The following AGMO variants were observed in gnomAD, a reference collection of about 807,000 sequenced individuals.
The protein encoded by AGMO is alkylglycerol monooxygenase.
Under a neutral mutation model 60.2 loss-of-function variants are expected in AGMO, and 75 were observed. That is an observed-to-expected ratio of 1.25 (90% CI 1.03 to 1.51). The LOEUF is 1.51. Among genes scored for constraint, AGMO ranks in the 40% most tolerant of loss-of-function variants. The pLI is 0.00. For missense variants in AGMO, 763 were observed against 525.5 expected, an observed-to-expected ratio of 1.45 and a Z score of -4.42; for synonymous variants, 261 against 177.1, an observed-to-expected ratio of 1.47 and a Z score of -3.76.
chr7:15,432,019 C>T (rs1583546117), intron 3 of AGMO, among the ~76,000 whole-genome samples: 1 of 151,724 alleles, frequency 6.6e-6, no homozygotes, highest in Non-Finnish European at 1.5e-5. Flanking sequence ...CGAAATGTCA[C>T]ATTATACTCT....
At chr7:15,323,408 C>A (rs1384425759) in intron 12 of AGMO, among the ~76,000 whole-genome samples, 1 of 152,010 alleles carries the variant, frequency 6.6e-6, no homozygotes, top group Non-Finnish European at 1.5e-5. Flanking sequence ...GATCCCATCA[C>A]CTTCCTTTCA....
chr7:15,241,792 G>A (rs1353522363), intron 12 of AGMO, among the ~76,000 whole-genome samples: 1 of 152,136 alleles, frequency 6.6e-6, no homozygotes, highest in Non-Finnish European at 1.5e-5. Context: ...ATGAGTTCCT[G>A]GCTTAAGGTC....
At chr7:15,550,409 T>C (rs1193417154) in intron 2 of AGMO, among the ~76,000 whole-genome samples, 1 of 152,076 alleles carries the variant, frequency 6.6e-6, no homozygotes, top group Non-Finnish European at 1.5e-5. Context: ...ACAAAATTGA[T>C]AGACCGCTAG....
At chr7:15,339,770 T>TGTTC (rs1198577642) in intron 12 of AGMO, among the ~76,000 whole-genome samples, 1 of 152,224 alleles carries the variant, frequency 6.6e-6, no homozygotes, top group Non-Finnish European at 1.5e-5. Context: ...AAAGTTCCTG[T>TGTTC]GTTCAGCTAC....
intron 12 of AGMO, among the ~76,000 whole-genome samples, chr7:15,364,541 C>G (rs1360391683): frequency 6.6e-6 from 1 of 151,916 alleles, no homozygotes; most frequent in Non-Finnish European, 1.5e-5. Flanking sequence ...TAAGTTGTTG[C>G]TAATCTTACG....
At chr7:15,467,018 G>C in intron 3 of AGMO, among the ~76,000 whole-genome samples, 1 of 152,220 alleles carries the variant, frequency 6.6e-6, no homozygotes, top group Non-Finnish European at 1.5e-5. Flanking sequence ...GAGTGAACCT[G>C]ATGATTTTTA....
chr7:15,142,110 T>C, the AGMO span, among the ~76,000 whole-genome samples: 1 of 152,170 alleles, frequency 6.6e-6, no homozygotes, highest in African/African-American at 2.4e-5. Flanking sequence ...CATGTTATTC[T>C]TAATCTCTAA....
intron 3 of AGMO, among the ~76,000 whole-genome samples, chr7:15,523,097 C>T (rs1280884509): frequency 6.6e-6 from 1 of 152,182 alleles, no homozygotes; most frequent in Admixed American, 6.6e-5. Flanking sequence ...AAAAACAGTT[C>T]ATCATCACTG....
chr7:15,150,618 A>G, the AGMO span, among the ~76,000 whole-genome samples: 1 of 152,122 alleles, frequency 6.6e-6, no homozygotes, highest in African/African-American at 2.4e-5. Flanking sequence ...TGATTTGCAT[A>G]CATTGAAACA....
rs199763833 is a variant in AGMO at position 15,407,835 on chromosome 7, CAG to C, written c.609+10721_609+10722del. Among the ~76,000 whole-genome samples, 683 of 151,820 alleles carry C rather than the reference CAG, an allele frequency of 4.5e-3. 4 individuals are homozygous for C. Among genetic ancestry groups the C allele is most frequent in the African/African-American group, 0.016 (649 of 41,472 alleles). On this transcript the variant is annotated intron_variant, in intron 5 of 12. Transcript: ENST00000342526. ...AGAGAGAGTTAAGCAACAAATACAA[CAG>C]AGTGGCATAAGAATTAAACTTCACT...
chr7:15,245,246 C>T (rs1782707911), intron 12 of AGMO, among the ~76,000 whole-genome samples: 1 of 152,120 alleles, frequency 6.6e-6, no homozygotes, highest in African/African-American at 2.4e-5. Flanking sequence ...TAATCTCCTA[C>T]TCTACCAGAT....
chr7:15,387,342 C>T (rs1464905919), intron 9 of AGMO, 64 bp downstream of exon 9: 1 of 1,561,386 alleles, frequency 6.4e-7, no homozygotes, highest in Non-Finnish European at 8.7e-7. Flanking sequence ...TATGTACAGG[C>T]TGGCTGTAGA....
At chr7:15,424,830 G>T (rs563785338) in intron 4 of AGMO, among the ~76,000 whole-genome samples, 1 of 152,188 alleles carries the variant, frequency 6.6e-6, no homozygotes, top group South Asian at 2.1e-4. Flanking sequence ...AAAGAGTTAT[G>T]AGAATTTATC....
At chr7:15,427,353 C>G (rs1403564577) in intron 4 of AGMO, among the ~76,000 whole-genome samples, 1 of 152,080 alleles carries the variant, frequency 6.6e-6, no homozygotes, top group African/African-American at 2.4e-5. Flanking sequence ...CGTCCTGTAT[C>G]CTTTACTTGC....
intron 12 of AGMO, among the ~76,000 whole-genome samples, chr7:15,329,354 A>G (rs562063538): frequency 6.6e-6 from 1 of 152,344 alleles, no homozygotes; most frequent in East Asian, 1.9e-4. Context: ...AAATCCAGGC[A>G]CATAGGTGAT....
intron 3 of AGMO, among the ~76,000 whole-genome samples, chr7:15,517,036 C>A (rs1345473452): frequency 6.6e-6 from 1 of 151,696 alleles, no homozygotes; most frequent in East Asian, 1.9e-4. Flanking sequence ...GCTTGAACAC[C>A]ACTGAGAAAG....
chr7:15,561,473 C>T (rs970352910), intron 1 of AGMO, among the ~76,000 whole-genome samples: 16 of 152,236 alleles, frequency 1.1e-4, no homozygotes, highest in African/African-American at 2.9e-4. Flanking sequence ...AAACTTTAAA[C>T]TTTTGTTTTT....
rs1174083019 is a variant in AGMO at position 15,531,066 on chromosome 7, A to G, written c.409+13706T>C. 5.1e-3 allele frequency among the ~76,000 whole-genome samples: 383 copies of G among 74,696 alleles called. 103 individuals carry two copies. The highest frequency in any genetic ancestry group is 0.019 in the African/African-American group (351 of 18,700). 49.0% of individuals were successfully genotyped at this position (74,696 alleles called of 152,430 possible). ...TATATATTCTATATATATTCTGTATATATTCTATATATATTCTATATATAT... is the reference window on the plus strand; with the variant it reads ...TATATATTCTATATATATTCTGTATGTATTCTATATATATTCTATATATAT... On this transcript the variant is annotated intron_variant, in intron 3 of 12. Coordinates refer to ENST00000342526, the MANE Select transcript of AGMO (RefSeq NM_001004320.2).
intron 5 of AGMO, among the ~76,000 whole-genome samples, chr7:15,411,710 A>T (rs995139966): frequency 6.6e-6 from 1 of 152,060 alleles, no homozygotes; most frequent in Non-Finnish European, 1.5e-5. Context: ...TATCTACACA[A>T]ATGGTGAAAT....
Sources: gnomAD v4.1 joint callset for allele counts (sites outside exome capture counted in the v4.1 genomes callset) on GRCh38, gnomAD v4.1.1 for gene constraint, MANE v1.5 for transcripts, NCBI Gene and HGNC (gene_info 2026-07-23, HGNC 2026-07-21) for gene names.